Variants in UBE2E3 observed in about 807,000 individuals in gnomAD.
UBE2E3 encodes the protein ubiquitin-conjugating enzyme E2 E3.
UBE2E3 carries 5 observed loss-of-function variants against 23.6 expected under a neutral mutation model. That is an observed-to-expected ratio of 0.21 (90% confidence interval 0.11 to 0.44). UBE2E3 has a LOEUF of 0.44. Ranked by LOEUF, UBE2E3 falls within the 20% of genes least tolerant of loss-of-function variation. The probability of loss-of-function intolerance (pLI) is 0.99; values close to 1 mark genes in which losing one functional copy is unlikely to be tolerated. For synonymous variants in UBE2E3, 78 were observed against 87.5 expected (o/e 0.89, Z 0.60); for missense variants, 81 against 249.8 (o/e 0.32, Z 4.55).
chr2:181,011,934 G>T (rs1306877767), intron 3 of UBE2E3, among the ~76,000 whole-genome samples: 2 of 152,128 alleles, frequency 1.3e-5, no homozygotes, highest in African/African-American at 4.8e-5. Context: ...AGTGAGGGTT[G>T]TTAGGCAAAA....
chr2:180,991,824 T>TG (rs55824485), intron 3 of UBE2E3, among the ~76,000 whole-genome samples: 35,282 of 151,908 alleles, frequency 0.23, 4,461 homozygotes, highest in Non-Finnish European at 0.28. Context: ...CAAGCCCAAG[T>TG]GGATGGAGCA....
chr2:181,056,246 C>A (rs141175621), intron 3 of UBE2E3, among the ~76,000 whole-genome samples: 72 of 151,870 alleles, frequency 4.7e-4, no homozygotes, highest in Non-Finnish European at 8.7e-4. Flanking sequence ...AGTAATACTT[C>A]TGTACATACG....
At chr2:180,987,452 TAC>T in intron 3 of UBE2E3, 2 of 1,519,320 alleles carry the variant, frequency 1.3e-6, no homozygotes, top group African/African-American at 1.4e-5. Flanking sequence ...AGCACAAATA[TAC>T]TGACGAATAT....
chr2:181,021,638 T>C (rs1455686084), intron 3 of UBE2E3, among the ~76,000 whole-genome samples: 10 of 84,316 alleles, frequency 1.2e-4, no homozygotes, highest in South Asian at 1.1e-3. Flanking sequence ...CTTTTTTCCT[T>C]CCTTCCTTCC....
At chr2:181,047,058 TA>T in intron 3 of UBE2E3, among the ~76,000 whole-genome samples, 1 of 152,302 alleles carries the variant, frequency 6.6e-6, no homozygotes, top group Non-Finnish European at 1.5e-5. Flanking sequence ...AGTTAGTTCA[TA>T]TTGCCAGCAT....
rs190984497 is a variant in UBE2E3, at chr2:181,053,981, A to C, written c.246-3712A>C. Among the ~76,000 whole-genome samples, 180 of 151,930 alleles carry C rather than the reference A, an allele frequency of 1.2e-3. 1 individual carries two copies. Among genetic ancestry groups the C allele is most frequent in the Admixed American group, 0.012 (179 of 15,220 alleles). On this transcript the variant is annotated intron_variant, in intron 3 of 5. Coordinates refer to ENST00000410062, the MANE Select transcript of UBE2E3 (RefSeq NM_006357.4). Reference sequence around the variant, plus strand: ...TTCATATTGGGTTCTCCCACTTACTAATATGCATTTAAGTTTCATCCATAT... The same window carrying C: ...TTCATATTGGGTTCTCCCACTTACTCATATGCATTTAAGTTTCATCCATAT...
At chr2:181,042,280 A>G (rs1686537040) in intron 3 of UBE2E3, among the ~76,000 whole-genome samples, 1 of 152,194 alleles carries the variant, frequency 6.6e-6, no homozygotes, top group Admixed American at 6.5e-5. Context: ...GGTATTGTGA[A>G]GCATCAGTTA....
At chr2:181,059,853 G>C (rs1307963927) in intron 4 of UBE2E3, among the ~76,000 whole-genome samples, 1 of 151,494 alleles carries the variant, frequency 6.6e-6, no homozygotes, top group Non-Finnish European at 1.5e-5. Context: ...TTTCCTCCCA[G>C]ATTCAACTTT....
chr2:181,001,465 G>A (rs1223269918), intron 3 of UBE2E3, among the ~76,000 whole-genome samples: 2 of 152,010 alleles, frequency 1.3e-5, no homozygotes, highest in African/African-American at 4.8e-5. Flanking sequence ...GTAGAGGGTG[G>A]GACATCAAGA....
At chr2:181,059,482 T>C (rs1025374529) in intron 4 of UBE2E3, among the ~76,000 whole-genome samples, 5 of 151,796 alleles carry the variant, frequency 3.3e-5, no homozygotes, top group African/African-American at 9.7e-5. Flanking sequence ...TTAAATTTTC[T>C]AATAGCCACA....
At chr2:180,981,063 C>A (rs992439478) in intron 1 of UBE2E3, 90 bp downstream of exon 1, 6 of 146,484 alleles carry the variant, frequency 4.1e-5, no homozygotes, top group African/African-American at 1.5e-4. Context: ...GCTTTGTTCG[C>A]GCCGGGCGCC....
At chr2:181,034,073 TTGG>T in intron 3 of UBE2E3, among the ~76,000 whole-genome samples, 1 of 152,324 alleles carries the variant, frequency 6.6e-6, no homozygotes, top group South Asian at 2.1e-4. Flanking sequence ...TTTTACACTG[TTGG>T]TGGGACTGTA....
chr2:181,054,353 A>G (rs542864133), intron 3 of UBE2E3, among the ~76,000 whole-genome samples: 1 of 151,850 alleles, frequency 6.6e-6, no homozygotes, highest in East Asian at 1.9e-4. Context: ...TGTATTCTCC[A>G]CTAGCAATGG....
chr2:180,987,656 A>G (rs1234418973), intron 3 of UBE2E3, among the ~76,000 whole-genome samples: 1 of 152,150 alleles, frequency 6.6e-6, no homozygotes, highest in Non-Finnish European at 1.5e-5. Context: ...TTAAAAATAA[A>G]AAAATAATGA....
intron 3 of UBE2E3, among the ~76,000 whole-genome samples, chr2:181,052,045 CTTAA>C (rs1274403339): frequency 6.7e-6 from 1 of 149,320 alleles, no homozygotes; most frequent in Admixed American, 6.7e-5. Flanking sequence ...TGTGATTTAA[CTTAA>C]TTATGACTGA....
rs114311887 is a variant in UBE2E3, at chr2:181,060,338, T to C, written c.379-327T>C. On this transcript the variant is annotated intron_variant, in intron 4 of 5. Coordinates refer to ENST00000410062, the MANE Select transcript of UBE2E3 (RefSeq NM_006357.4). ...TTTTCTTCCTCACTTTCTGTCTTTC[T>C]GTATGTATGTGTACACACACAGTTG... is the stretch of plus-strand genomic sequence containing the variant. Among the ~76,000 whole-genome samples, 416 of 151,866 alleles carry C rather than the reference T, an allele frequency of 2.7e-3. 1 individual carries two copies. Among genetic ancestry groups the C allele is most frequent in the African/African-American group, 9.6e-3 (397 of 41,496 alleles).
At chr2:181,033,542 A>C (rs1686158739) in intron 3 of UBE2E3, among the ~76,000 whole-genome samples, 2 of 152,238 alleles carry the variant, frequency 1.3e-5, no homozygotes, top group Admixed American at 1.3e-4. Context: ...AGATGGATTA[A>C]AGACTTAAAT....
At chr2:181,013,341 G>C (rs1340924645) in intron 3 of UBE2E3, among the ~76,000 whole-genome samples, 3 of 152,142 alleles carry the variant, frequency 2.0e-5, no homozygotes, top group Admixed American at 1.3e-4. Context: ...TTCTGGTTCA[G>C]GGTCTTCCAT....
intron 3 of UBE2E3, among the ~76,000 whole-genome samples, chr2:180,984,554 C>T (rs1313206183): frequency 6.6e-6 from 1 of 152,104 alleles, no homozygotes; most frequent in Non-Finnish European, 1.5e-5. Flanking sequence ...CAGTTACTAG[C>T]CTTAAGGACA....
Sources: allele counts gnomAD v4.1 joint callset (sites outside exome capture counted in the v4.1 genomes callset), GRCh38; gene constraint gnomAD v4.1.1; transcripts MANE v1.5; gene names NCBI Gene and HGNC (gene_info 2026-07-23, HGNC 2026-07-21).